The following CDH12 variants were observed in gnomAD, a reference collection of about 807,000 sequenced individuals.
The protein encoded by CDH12 is cadherin-12.
In CDH12, 41 loss-of-function variants were observed where a neutral mutation model predicts 74.1. The observed-to-expected ratio is 0.55, with a 90% CI of 0.43 to 0.72. CDH12 has a LOEUF of 0.72. Ranked by LOEUF, CDH12 falls within the 30% of genes least tolerant of loss-of-function variation. The pLI is 0.00. For missense variants in CDH12, 945 were observed against 977.2 expected (o/e 0.97, Z 0.44); for synonymous variants, 399 against 355.0 (o/e 1.12, Z -1.39).
intron 3 of CDH12, among the ~76,000 whole-genome samples, chr5:22,247,452 G>A (rs1054969965): frequency 6.6e-6 from 1 of 152,090 alleles, no homozygotes; most frequent in African/African-American, 2.4e-5. Flanking sequence ...TGAGGTGGGT[G>A]GATCACGAGG....
At chr5:21,870,226 T>A (rs976031922) in intron 6 of CDH12, among the ~76,000 whole-genome samples, 1 of 152,122 alleles carries the variant, frequency 6.6e-6, no homozygotes, top group Non-Finnish European at 1.5e-5. Flanking sequence ...GGGTATGTCT[T>A]TATCAACAGC....
intron 3 of CDH12, among the ~76,000 whole-genome samples, chr5:22,381,581 G>A (rs1247641371): frequency 1.3e-5 from 2 of 151,700 alleles, no homozygotes; most frequent in East Asian, 3.9e-4. Context: ...CAGATGGTGG[G>A]TGTCCTGAAT....
At chr5:21,794,051 A>G (rs1746645225) in intron 10 of CDH12, among the ~76,000 whole-genome samples, 1 of 151,550 alleles carries the variant, frequency 6.6e-6, no homozygotes, top group South Asian at 2.1e-4. Context: ...ATGTACTAAT[A>G]AAATATAGCA....
At chr5:21,939,388 A>G (rs1755224009) in intron 6 of CDH12, among the ~76,000 whole-genome samples, 1 of 151,814 alleles carries the variant, frequency 6.6e-6, no homozygotes, top group African/African-American at 2.4e-5. Flanking sequence ...TAGCTAATTA[A>G]AGCTTAATAA....
At chr5:22,610,669 G>C (rs952113667) in intron 1 of CDH12, among the ~76,000 whole-genome samples, 5 of 151,762 alleles carry the variant, frequency 3.3e-5, no homozygotes, top group African/African-American at 1.2e-4. Flanking sequence ...TGAAACATTA[G>C]ATTCTTAATC....
chr5:22,161,244 T>C (rs1192241038), intron 4 of CDH12, among the ~76,000 whole-genome samples: 1 of 152,182 alleles, frequency 6.6e-6, no homozygotes, highest in African/African-American at 2.4e-5. Context: ...AAACTTTTTG[T>C]TTCACCTCTC....
intron 1 of CDH12, among the ~76,000 whole-genome samples, chr5:22,607,523 C>T (rs1737178494): frequency 6.6e-6 from 1 of 152,186 alleles, no homozygotes; most frequent in South Asian, 2.1e-4. Context: ...TTGTCTGAAA[C>T]TTACTCACTA....
chr5:22,484,142 CT>C (rs1746495703), intron 2 of CDH12, among the ~76,000 whole-genome samples: 1 of 151,972 alleles, frequency 6.6e-6, no homozygotes, highest in Admixed American at 6.6e-5. Context: ...TGATTATCTT[CT>C]TTTTCTCCTC....
chr5:22,196,640 A>G (rs546700674), intron 4 of CDH12, among the ~76,000 whole-genome samples: 9 of 152,274 alleles, frequency 5.9e-5, no homozygotes, highest in Non-Finnish European at 1.2e-4. Context: ...AAAAAAGGAT[A>G]TCTGCAAGGG....
intron 9 of CDH12, among the ~76,000 whole-genome samples, chr5:21,814,398 A>G (rs1159468049): frequency 6.6e-6 from 1 of 152,002 alleles, no homozygotes; most frequent in Non-Finnish European, 1.5e-5. Flanking sequence ...TGCTTTCATG[A>G]TAGTTGAACT....
chr5:22,815,318 C>T lies in CDH12; in HGVS notation c.-523+37740G>A, dbSNP rs534215589. On this transcript the variant is annotated intron_variant, in intron 1 of 14. Coordinates refer to ENST00000382254, the MANE Select transcript of CDH12 (RefSeq NM_004061.5). ...CTCTCCTATACTCGTATCTATTACC[C>T]GAGAGGCATGGAAAGTAGAGATGTA... Among the ~76,000 whole-genome samples the T allele has an allele frequency of 4.6e-5, 7 of 152,164 alleles. No homozygotes were observed. In the South Asian group the frequency reaches 8.3e-4, roughly 18 times the overall value.
intron 12 of CDH12, among the ~76,000 whole-genome samples, chr5:21,761,781 AGATG>A (rs1190582026): frequency 4.6e-5 from 7 of 151,880 alleles, no homozygotes; most frequent in African/African-American, 1.7e-4. Flanking sequence ...ATAGATAGAT[AGATG>A]ATAGATATCA....
At chr5:22,278,105 G>A (rs1011710246) in intron 3 of CDH12, 1 of 152,084 alleles carries the variant, frequency 6.6e-6, no homozygotes, top group African/African-American at 2.4e-5. Context: ...CTGCCAAATG[G>A]GAAATGATGA....
chr5:22,005,964 C>T (rs1736930900), intron 5 of CDH12, among the ~76,000 whole-genome samples: 1 of 152,144 alleles, frequency 6.6e-6, no homozygotes, highest in Non-Finnish European at 1.5e-5. Flanking sequence ...CAGGTTGGCT[C>T]AATCCTATGG....
At position 22,117,449 on chromosome 5, in the gene CDH12, A is replaced by T. The variant is rs541957416; in HGVS notation, c.-186-38587T>A. 6.5e-3 allele frequency among the ~76,000 whole-genome samples: 579 copies of T among 89,068 alleles called. 2 individuals carry two copies. Among genetic ancestry groups the T allele is most frequent in the African/African-American group, 0.028 (545 of 19,350 alleles). 58.4% of individuals were successfully genotyped at this position (89,068 alleles called of 152,430 possible). A position where few individuals can be genotyped will look rare whatever the true frequency, so the allele number is the denominator to read the frequency against. ...TGCATATATAAATTATATATATATA[A>T]TATATATATTATATATATAATATAT... On this transcript the variant is annotated intron_variant, in intron 4 of 14. Coordinates refer to ENST00000382254, the MANE Select transcript of CDH12 (RefSeq NM_004061.5).
intron 2 of CDH12, among the ~76,000 whole-genome samples, chr5:22,485,195 T>C (rs1746539315): frequency 1.3e-5 from 2 of 152,112 alleles, no homozygotes; most frequent in Non-Finnish European, 2.9e-5. Context: ...TTTTCTTTTT[T>C]TTTAGAGACA....
intron 8 of CDH12, among the ~76,000 whole-genome samples, chr5:21,826,455 C>T (rs6862546): frequency 0.24 from 36,797 of 152,004 alleles, 5,067 homozygotes; most frequent in East Asian, 0.41. Context: ...GACACGCTAC[C>T]ATTTTTCACA....
chr5:22,671,390 A>G (rs1466290239), intron 1 of CDH12, among the ~76,000 whole-genome samples: 2 of 152,168 alleles, frequency 1.3e-5, no homozygotes. Context: ...ATATACAGAC[A>G]GTAGATGGAA....
At chr5:22,263,264 A>G (rs1335455360) in intron 3 of CDH12, among the ~76,000 whole-genome samples, 1 of 152,158 alleles carries the variant, frequency 6.6e-6, no homozygotes, top group Non-Finnish European at 1.5e-5. Flanking sequence ...CTTCCTGCTA[A>G]TATCATTCAG....
Sources: allele counts gnomAD v4.1 joint callset (sites outside exome capture counted in the v4.1 genomes callset), GRCh38; gene constraint gnomAD v4.1.1; transcripts MANE v1.5; gene names NCBI Gene and HGNC (gene_info 2026-07-23, HGNC 2026-07-21).